Variants in SGCZ observed in about 807,000 individuals in gnomAD.
SGCZ encodes sarcoglycan zeta.
In SGCZ, 40 loss-of-function variants were observed where a neutral mutation model predicts 41.3. That is an observed-to-expected ratio of 0.97 (90% CI 0.75 to 1.26). SGCZ has a LOEUF of 1.26. Among genes scored for constraint, SGCZ ranks in the 50% most tolerant of loss-of-function variants. The pLI is 0.00. For missense variants in SGCZ, 552 were observed against 369.8 expected (o/e 1.49, Z -4.04); for synonymous variants, 206 against 137.5 (o/e 1.50, Z -3.49).
At chr8:15,212,759 G>A (rs775473701) in intron 1 of SGCZ, among the ~76,000 whole-genome samples, 1 of 152,012 alleles carries the variant, frequency 6.6e-6, no homozygotes, top group Non-Finnish European at 1.5e-5. Context: ...CGATAAACAT[G>A]ATTATTTTAG....
At chr8:14,246,142 G>A (rs1406109514) in intron 3 of SGCZ, among the ~76,000 whole-genome samples, 1 of 152,166 alleles carries the variant, frequency 6.6e-6, no homozygotes, top group Non-Finnish European at 1.5e-5. Flanking sequence ...AAAGACACAT[G>A]CACATGTATG....
intron 1 of SGCZ, among the ~76,000 whole-genome samples, chr8:14,668,287 C>T (rs1807982317): frequency 6.6e-6 from 1 of 152,136 alleles, no homozygotes; most frequent in African/African-American, 2.4e-5. Flanking sequence ...GAATTCAGTC[C>T]AAGCTCATAG....
At position 14,486,407 on chromosome 8, in the gene SGCZ, A is replaced by G. The variant is rs144378208; in HGVS notation, c.234+68325T>C. On this transcript the variant is annotated intron_variant, in intron 2 of 7. Transcript: ENST00000382080. ...CTACTCACTGTTACTCAAGAGAGAA[A>G]TACAGTGCCTTCTCTTTAACACATT... is the stretch of plus-strand genomic sequence containing the variant. Among the ~76,000 whole-genome samples, 3 of 152,344 alleles carry G rather than the reference A, an allele frequency of 2.0e-5. No individual in the cohort carries two copies. In the East Asian group the frequency reaches 5.8e-4, roughly 29 times the overall value.
intron 4 of SGCZ, among the ~76,000 whole-genome samples, chr8:14,229,193 G>C (rs1388759760): frequency 6.6e-6 from 1 of 152,060 alleles, no homozygotes; most frequent in East Asian, 1.9e-4. Flanking sequence ...AAATATTTCA[G>C]CCAGTCCATA....
intron 1 of SGCZ, among the ~76,000 whole-genome samples, chr8:14,605,698 G>A (rs1451601613): frequency 1.3e-5 from 2 of 152,124 alleles, no homozygotes; most frequent in African/African-American, 2.4e-5. Flanking sequence ...CCATCACAGA[G>A]AGTGTTGACT....
intron 1 of SGCZ, among the ~76,000 whole-genome samples, chr8:14,819,141 A>AG (rs1243290041): frequency 2.0e-5 from 3 of 151,142 alleles, no homozygotes; most frequent in African/African-American, 7.4e-5. Context: ...TAAAAAAAAA[A>AG]AAGTAAAAGT....
intron 4 of SGCZ, among the ~76,000 whole-genome samples, chr8:14,220,042 G>A (rs1323053790): frequency 6.6e-6 from 1 of 152,158 alleles, no homozygotes; most frequent in Non-Finnish European, 1.5e-5. Flanking sequence ...TAGTTATAGT[G>A]ACTTAACATT....
chr8:14,716,116 A>T lies in SGCZ; in HGVS notation c.40-161190T>A, dbSNP rs867497426. 1.3e-5 allele frequency among the ~76,000 whole-genome samples: 2 copies of T among 152,128 alleles called. 1 individual carries two copies. Among genetic ancestry groups the T allele is most frequent in the South Asian group, 4.1e-4 (2 of 4,824 alleles). ...CCGATAAAGTGGAACCTAGAAATTA[A>T]TTACCTTCTTACCTTAGAAAAGAGA... On this transcript the variant is annotated intron_variant, in intron 1 of 7. Transcript: ENST00000382080.
At chr8:15,178,017 G>A (rs144544854) in intron 1 of SGCZ, among the ~76,000 whole-genome samples, 1,523 of 152,164 alleles carry the variant, frequency 0.01, 7 homozygotes, top group Non-Finnish European at 0.015. Context: ...CTACCTGTAA[G>A]CCCCATGCTT....
At chr8:14,167,036 A>T (rs1425856493) in intron 4 of SGCZ, among the ~76,000 whole-genome samples, 1 of 152,164 alleles carries the variant, frequency 6.6e-6, no homozygotes, top group African/African-American at 2.4e-5. Flanking sequence ...GCAATTAGCA[A>T]TGCATTGATA....
intron 4 of SGCZ, among the ~76,000 whole-genome samples, chr8:14,213,209 C>CTG (rs71541652): frequency 0.24 from 36,149 of 151,948 alleles, 5,517 homozygotes; most frequent in Non-Finnish European, 0.34. Flanking sequence ...ATTTAAGAAG[C>CTG]TGAAAGAGAA....
intron 1 of SGCZ, among the ~76,000 whole-genome samples, chr8:14,602,388 T>G (rs1805621882): frequency 6.6e-6 from 1 of 151,744 alleles, no homozygotes; most frequent in African/African-American, 2.4e-5. Flanking sequence ...GAGGTAGGAA[T>G]TACTGGGGAG....
At chr8:15,236,102 T>A (rs1802109663) in intron 1 of SGCZ, among the ~76,000 whole-genome samples, 1 of 152,150 alleles carries the variant, frequency 6.6e-6, no homozygotes, top group African/African-American at 2.4e-5. Context: ...ATCTGCCTCC[T>A]CCCTACTTCC....
At chr8:14,971,417 T>A (rs925351139) in intron 1 of SGCZ, among the ~76,000 whole-genome samples, 1 of 152,144 alleles carries the variant, frequency 6.6e-6, no homozygotes, top group Non-Finnish European at 1.5e-5. Context: ...ATCTCACAGC[T>A]GTTCTCTATC....
intron 1 of SGCZ, among the ~76,000 whole-genome samples, chr8:15,225,484 T>G (rs17575958): frequency 0.095 from 14,433 of 152,144 alleles, 890 homozygotes; most frequent in African/African-American, 0.17. Flanking sequence ...GGTACCGTGT[T>G]TGAGTGTGTG....
At chr8:14,137,467 G>C (rs765292223) in intron 5 of SGCZ, among the ~76,000 whole-genome samples, 6 of 152,198 alleles carry the variant, frequency 3.9e-5, no homozygotes, top group Non-Finnish European at 5.9e-5. Flanking sequence ...AGAATAAACA[G>C]TGTAGAGAAG....
intron 2 of SGCZ, among the ~76,000 whole-genome samples, chr8:14,344,741 C>G (rs1009952638): frequency 6.6e-6 from 1 of 151,988 alleles, no homozygotes; most frequent in Admixed American, 6.6e-5. Flanking sequence ...CTGAATGAAA[C>G]AGTCAATTGT....
At chr8:14,200,063 A>T (rs1235368183) in intron 4 of SGCZ, among the ~76,000 whole-genome samples, 3 of 152,186 alleles carry the variant, frequency 2.0e-5, no homozygotes, top group Non-Finnish European at 2.9e-5. Flanking sequence ...GTCCGGTAGT[A>T]TCCATGGTTT....
intron 1 of SGCZ, among the ~76,000 whole-genome samples, chr8:14,876,197 CA>C (rs1330982464): frequency 1.3e-5 from 2 of 152,160 alleles, no homozygotes; most frequent in Non-Finnish European, 2.9e-5. Context: ...CCCATACTTT[CA>C]GGCCCCTAGC....
Sources: allele counts gnomAD v4.1 joint callset (sites outside exome capture counted in the v4.1 genomes callset), GRCh38; gene constraint gnomAD v4.1.1; transcripts MANE v1.5; gene names NCBI Gene and HGNC (gene_info 2026-07-23, HGNC 2026-07-21).